ZNF536: variants seen among roughly 807,000 people sequenced by gnomAD.
ZNF536 encodes zinc finger protein 536.
Under a neutral mutation model 84.5 loss-of-function variants are expected in ZNF536, and 13 were observed. The ratio of observed to expected loss-of-function variants is 0.15; its 90% CI spans 0.10 to 0.24. The LOEUF is 0.24. ZNF536 is among the 10% of genes least tolerant of loss of function. ZNF536 has a pLI of 1.00. For synonymous variants in ZNF536, 811 were observed against 742.5 expected, an observed-to-expected ratio of 1.09 and a Z score of -1.50; for missense variants, 1,536 against 1,747.5, an observed-to-expected ratio of 0.88 and a Z score of 2.16.
At chr19:30,418,657 G>C (rs1418536489) in intron 1 of ZNF536, among the ~76,000 whole-genome samples, 2 of 152,154 alleles carry the variant, frequency 1.3e-5, no homozygotes, top group Non-Finnish European at 2.9e-5. Flanking sequence ...TCCTCTGAAG[G>C]TGGGGTTGGC....
rs1555772252 is a variant in ZNF536 at position 30,458,451 on chromosome 19, T to TTTTTG, written c.2170+12723_2170+12724insGTTTT. Among the ~76,000 whole-genome samples, 77 of 142,164 alleles carry TTTTTG rather than the reference T, an allele frequency of 5.4e-4. 1 individual carries two copies. The East Asian group carries it at 0.012, about 22-fold the overall frequency. The allele number at this position is 142,164 out of a possible 152,430, so 93.3% of individuals were successfully genotyped here. A position where few individuals can be genotyped will look rare whatever the true frequency, so the allele number is the denominator to read the frequency against. ...GTATTTCCTCAATTTCCTGCTGTTT[T>TTTTTG]TTTTTTTTTTTTTTTTTTTGACCGA... is the stretch of plus-strand genomic sequence containing the variant. On this transcript the variant is annotated intron_variant, in intron 2 of 4. Coordinates refer to ENST00000355537, the MANE Select transcript of ZNF536 (RefSeq NM_014717.3).
At chr19:30,271,308 T>C (rs1351747783) in intron 1 of ZNF536, among the ~76,000 whole-genome samples, 1 of 148,884 alleles carries the variant, frequency 6.7e-6, no homozygotes, top group Non-Finnish European at 1.5e-5. Flanking sequence ...TCTTTTTTTT[T>C]TTTTTTTTTT....
At chr19:30,573,289 A>G (rs769397320) in intron 1 of ZNF536, among the ~76,000 whole-genome samples, 4 of 152,222 alleles carry the variant, frequency 2.6e-5, no homozygotes, top group Non-Finnish European at 5.9e-5. Flanking sequence ...AGAGAAAATA[A>G]TGACTTGCAT....
intron 1 of ZNF536, among the ~76,000 whole-genome samples, chr19:30,577,275 C>G (rs1237605624): frequency 6.6e-6 from 1 of 151,932 alleles, no homozygotes; most frequent in African/African-American, 2.4e-5. Flanking sequence ...AAGTTTTAGT[C>G]TGAATTACAT....
At chr19:30,569,744 T>C (rs2046477905) in intron 1 of ZNF536, among the ~76,000 whole-genome samples, 1 of 151,814 alleles carries the variant, frequency 6.6e-6, no homozygotes, top group East Asian at 1.9e-4. Context: ...CTAATTTTTG[T>C]ATTTTCTAGT....
chr19:30,551,013 A>T (rs574974668), intron 4 of ZNF536, among the ~76,000 whole-genome samples: 1 of 151,176 alleles, frequency 6.6e-6, no homozygotes, highest in South Asian at 2.1e-4. Context: ...GTTAGTCCAA[A>T]TTTTTTCCCC....
At chr19:30,449,215 G>A (rs1028252175) in intron 2 of ZNF536, among the ~76,000 whole-genome samples, 2 of 152,102 alleles carry the variant, frequency 1.3e-5, no homozygotes, top group African/African-American at 2.4e-5. Context: ...ATTTCACACC[G>A]TGGTCAATGT....
intron 1 of ZNF536, among the ~76,000 whole-genome samples, chr19:30,240,011 A>G (rs1482741211): frequency 6.6e-6 from 1 of 152,120 alleles, no homozygotes; most frequent in Admixed American, 6.5e-5. Context: ...CTTTATCCCT[A>G]CTTATCATTT....
At chr19:30,293,853 G>A (rs1368367522) in intron 2 of ZNF536, among the ~76,000 whole-genome samples, 1 of 152,234 alleles carries the variant, frequency 6.6e-6, no homozygotes, top group Non-Finnish European at 1.5e-5. Flanking sequence ...CTGGAAGAAG[G>A]GGTGAGGGTG....
rs558784874 is a variant in ZNF536, at chr19:30,387,692, G to C, written c.-3+15136G>C. 8.7e-4 allele frequency among the ~76,000 whole-genome samples: 133 copies of C among 152,364 alleles called. 2 individuals are homozygous for C. Among genetic ancestry groups the C allele is most frequent in the Admixed American group, 8.6e-3 (131 of 15,312 alleles). On this transcript the variant is annotated intron_variant, in intron 1 of 4. Coordinates refer to ENST00000355537, the MANE Select transcript of ZNF536 (RefSeq NM_014717.3). Reference sequence around the variant, plus strand: ...AATCCCTGTTTGCAGAGAGGCTGCAGACACTAATGGCTGGAGGAATATGTG... The same window carrying C: ...AATCCCTGTTTGCAGAGAGGCTGCACACACTAATGGCTGGAGGAATATGTG...
intron 1 of ZNF536, among the ~76,000 whole-genome samples, chr19:30,263,728 A>G (rs1025641561): frequency 1.3e-5 from 2 of 151,722 alleles, no homozygotes; most frequent in Non-Finnish European, 2.9e-5. Context: ...GCGTGTGTGT[A>G]TTTCATACAT....
intron 2 of ZNF536, among the ~76,000 whole-genome samples, chr19:30,506,874 TCAGTCTTA>T (rs1462449922): frequency 1.3e-5 from 2 of 152,200 alleles, no homozygotes; most frequent in African/African-American, 4.8e-5. Flanking sequence ...AAGGAAAATA[TCAGTCTTA>T]ACTCTTTTGC....
chr19:30,339,982 A>G (rs760760068), intron 2 of ZNF536, among the ~76,000 whole-genome samples: 2 of 151,910 alleles, frequency 1.3e-5, no homozygotes, highest in Admixed American at 6.6e-5. Flanking sequence ...ACCAGTGGGC[A>G]CTCTTCATCC....
chr19:30,461,650 C>T (rs10460186), intron 2 of ZNF536, among the ~76,000 whole-genome samples: 3 of 152,092 alleles, frequency 2.0e-5, no homozygotes, highest in Non-Finnish European at 4.4e-5. Flanking sequence ...CTCTGAGGCC[C>T]CAGGAGCATG....
chr19:30,427,615 G>A (rs1345245726), intron 1 of ZNF536, among the ~76,000 whole-genome samples: 2 of 152,044 alleles, frequency 1.3e-5, no homozygotes, highest in Non-Finnish European at 2.9e-5. Context: ...TAGATTTCTC[G>A]GGGTCATGTA....
chr19:30,507,916 A>G (rs762797440), intron 2 of ZNF536, among the ~76,000 whole-genome samples: 6 of 152,052 alleles, frequency 3.9e-5, no homozygotes, highest in Admixed American at 6.6e-5. Context: ...TAGTTATCTG[A>G]GTAATTATTT....
At chr19:30,662,084 C>T (rs979692845) in intron 1 of ZNF536, among the ~76,000 whole-genome samples, 7 of 152,170 alleles carry the variant, frequency 4.6e-5, no homozygotes, top group Admixed American at 4.6e-4. Flanking sequence ...AAAAATAGCA[C>T]GTGATTGTGG....
At chr19:30,304,948 T>G (rs996215008) in intron 2 of ZNF536, among the ~76,000 whole-genome samples, 3 of 152,202 alleles carry the variant, frequency 2.0e-5, no homozygotes, top group African/African-American at 7.2e-5. Context: ...GAGGAGTGCC[T>G]GTTCTTAGGA....
intron 2 of ZNF536, among the ~76,000 whole-genome samples, chr19:30,512,169 A>C (rs1009158246): frequency 1.3e-5 from 2 of 152,218 alleles, no homozygotes; most frequent in Non-Finnish European, 2.9e-5. Context: ...TAAAATTCAG[A>C]GAATTAGAAC....
Sources: gnomAD v4.1 joint callset for allele counts (sites outside exome capture counted in the v4.1 genomes callset) on GRCh38, gnomAD v4.1.1 for gene constraint, MANE v1.5 for transcripts, NCBI Gene and HGNC (gene_info 2026-07-23, HGNC 2026-07-21) for gene names.